The following MAP4K5 variants were observed in gnomAD, a reference collection of about 807,000 sequenced individuals.
MAP4K5 encodes mitogen-activated protein kinase kinase kinase kinase 5, also known as MAPK/ERK kinase kinase kinase 5.
In MAP4K5, 82 loss-of-function variants were observed where a neutral mutation model predicts 135.6. The observed-to-expected ratio is 0.60, with a 90% CI of 0.51 to 0.73. The LOEUF (loss-of-function observed/expected upper bound fraction) is 0.73. Among genes scored for constraint, MAP4K5 ranks in the 30% least tolerant of loss-of-function variants. The pLI is 0.00. For synonymous variants in MAP4K5, 347 were observed against 335.0 expected (o/e 1.04, Z -0.39); for missense variants, 907 against 1,010.9 (o/e 0.90, Z 1.39).
intron 14 of MAP4K5, among the ~76,000 whole-genome samples, chr14:50,454,835 T>C (rs1487064168): frequency 6.6e-6 from 1 of 151,894 alleles, no homozygotes; most frequent in Admixed American, 6.6e-5. Context: ...TTCTTAAGTT[T>C]ATGTGGGGAA....
chr14:50,451,069 C>G (rs1486228843), intron 14 of MAP4K5, among the ~76,000 whole-genome samples: 1 of 151,970 alleles, frequency 6.6e-6, no homozygotes, highest in Non-Finnish European at 1.5e-5. Flanking sequence ...TGGAATAGCT[C>G]AGTAGAAAAA....
At chr14:50,432,246 G>C (rs1022051100) in intron 28 of MAP4K5, among the ~76,000 whole-genome samples, 3 of 152,178 alleles carry the variant, frequency 2.0e-5, no homozygotes, top group Non-Finnish European at 2.9e-5. Flanking sequence ...GGTATAGCCT[G>C]TTTGTTCAAC....
chr14:50,497,205 TAAGTA>T (rs2037613371), intron 3 of MAP4K5, among the ~76,000 whole-genome samples: 1 of 150,994 alleles, frequency 6.6e-6, no homozygotes, highest in Non-Finnish European at 1.5e-5. Flanking sequence ...TGGTTCATAA[TAAGTA>T]AATATGGTTT....
chr14:50,449,656 C>G (rs1029652442), intron 14 of MAP4K5: 25 of 152,062 alleles, frequency 1.6e-4, no homozygotes, highest in African/African-American at 6.0e-4. Context: ...TAAACAAAAA[C>G]AGTATGTCAT....
intron 3 of MAP4K5, among the ~76,000 whole-genome samples, chr14:50,501,714 G>A (rs1358978509): frequency 6.6e-6 from 1 of 152,018 alleles, no homozygotes; most frequent in Admixed American, 6.6e-5. Context: ...TATATTCAAG[G>A]TAAAAAGGGT....
At chr14:50,508,040 G>T (rs1404816623) in intron 2 of MAP4K5, among the ~76,000 whole-genome samples, 1 of 152,102 alleles carries the variant, frequency 6.6e-6, no homozygotes, top group Admixed American at 6.6e-5. Context: ...TCTGTATTGG[G>T]TGCATATATA....
At chr14:50,454,050 T>C (rs1003055759) in intron 14 of MAP4K5, among the ~76,000 whole-genome samples, 4 of 152,150 alleles carry the variant, frequency 2.6e-5, no homozygotes, top group African/African-American at 9.7e-5. Context: ...AACAGAAGAA[T>C]GGATAAATTG....
At chr14:50,538,521 A>G (rs2038521652) in intron 2 of MAP4K5, among the ~76,000 whole-genome samples, 1 of 152,252 alleles carries the variant, frequency 6.6e-6, no homozygotes, top group Non-Finnish European at 1.5e-5. Flanking sequence ...AAGATAGCAG[A>G]TTACAAATAA....
chr14:50,539,276 CTAGCACT>C (rs1358570822), intron 2 of MAP4K5, among the ~76,000 whole-genome samples: 2 of 152,116 alleles, frequency 1.3e-5, no homozygotes, highest in Non-Finnish European at 2.9e-5. Context: ...AGATCAATCT[CTAGCACT>C]TAGCTGCTGT....
At chr14:50,437,646 A>T in intron 25 of MAP4K5, 112 bp from the exon 26 acceptor site, 1 of 729,902 alleles carries the variant, frequency 1.4e-6, no homozygotes, top group Non-Finnish European at 2.3e-6. Flanking sequence ...ACTGTCTTGG[A>T]TCCTAACTCC....
intron 14 of MAP4K5, among the ~76,000 whole-genome samples, chr14:50,453,219 G>C (rs1051649811): frequency 6.6e-6 from 1 of 150,832 alleles, no homozygotes; most frequent in South Asian, 2.1e-4. Flanking sequence ...CTTGTAATCA[G>C]CTGGTTTCCT....
At chr14:50,485,257 G>A (rs2037339346) in intron 5 of MAP4K5, among the ~76,000 whole-genome samples, 1 of 152,068 alleles carries the variant, frequency 6.6e-6, no homozygotes, top group Non-Finnish European at 1.5e-5. Context: ...CTTCCCTTCT[G>A]TGAGTTACCC....
intron 2 of MAP4K5, among the ~76,000 whole-genome samples, chr14:50,512,254 T>C (rs1157334845): frequency 2.0e-5 from 3 of 152,152 alleles, no homozygotes; most frequent in African/African-American, 7.2e-5. Flanking sequence ...TTGAAAAGAA[T>C]ACACATTTTC....
chr14:50,453,668 A>G (rs1385605540), intron 14 of MAP4K5, among the ~76,000 whole-genome samples: 1 of 152,166 alleles, frequency 6.6e-6, no homozygotes, highest in African/African-American at 2.4e-5. Flanking sequence ...CAACACTTCA[A>G]AAAGTTTCCA....
chr14:50,478,400 C>T (rs1293192415), intron 6 of MAP4K5, among the ~76,000 whole-genome samples: 1 of 151,238 alleles, frequency 6.6e-6, no homozygotes, highest in Non-Finnish European at 1.5e-5. Flanking sequence ...TTTTCCTTTC[C>T]ATTTCGTTTA....
intron 3 of MAP4K5, among the ~76,000 whole-genome samples, chr14:50,486,610 A>C (rs540058286): frequency 1.4e-3 from 215 of 152,310 alleles, no homozygotes; most frequent in Non-Finnish European, 2.8e-3. Context: ...TGTATTTTAC[A>C]ATCAAACCCT....
chr14:50,464,121 G>T lies in MAP4K5; in HGVS notation c.750C>A (p.Phe250Leu). Residue 250 changes from phenylalanine (F) to leucine (L), a missense_variant, in exon 12 of 33, where the codon TTC (phenylalanine) becomes TTA (leucine). Around this residue, in one of 3 missense-constraint regions of MAP4K5, gnomAD observed 690 missense variants for 777.4 expected, o/e 0.89. Transcript: ENST00000682126. ...LKDKTKWSST[F>L]HNFVKIALTK... The stretch of plus-strand genomic sequence containing the variant: ...TTAGTGCTATTTTGACAAAATTATG[G>T]AATGTTGATGACCTTAAAATAAAAA... 4.0e-6 allele frequency: 6 copies of T among 1,509,044 alleles called. No individual in the cohort carries two copies. The highest frequency in any genetic ancestry group is 5.4e-6 in the Non-Finnish European group (6 of 1,109,106). The allele number at this position is 1,509,044 out of a possible 1,614,324, so 93.5% of individuals were successfully genotyped here. A position where few individuals can be genotyped will look rare whatever the true frequency, so the allele number is the denominator to read the frequency against.
At chr14:50,476,487 CAG>C (rs1344719577) in intron 6 of MAP4K5, among the ~76,000 whole-genome samples, 181 bp from the exon 7 acceptor site, 3 of 152,180 alleles carry the variant, frequency 2.0e-5, no homozygotes, top group Admixed American at 6.5e-5. Flanking sequence ...GTTTTTGAGA[CAG>C]AGTCTCACTG....
chr14:50,549,454 A>G (rs535110441), intron 1 of MAP4K5, among the ~76,000 whole-genome samples: 2 of 152,274 alleles, frequency 1.3e-5, no homozygotes, highest in East Asian at 3.9e-4. Context: ...CAACCTCCAC[A>G]GGACTGACAA....
Sources: allele counts gnomAD v4.1 joint callset (sites outside exome capture counted in the v4.1 genomes callset), GRCh38; gene constraint gnomAD v4.1.1; regional missense constraint gnomAD v4.1.1; transcripts MANE v1.5; gene names NCBI Gene and HGNC (gene_info 2026-07-23, HGNC 2026-07-21).